RPTOR: variants seen among roughly 807,000 people sequenced by gnomAD.
RPTOR encodes the protein regulatory-associated protein of mTOR.
In RPTOR, 21 loss-of-function variants were observed where a neutral mutation model predicts 169.9. The observed-to-expected ratio is 0.12, with a 90% confidence interval of 0.09 to 0.18. RPTOR has a LOEUF of 0.18. Among genes scored for constraint, RPTOR ranks in the 10% least tolerant of loss-of-function variants. RPTOR has a pLI of 1.00. For synonymous variants in RPTOR, 732 were observed against 753.2 expected, an observed-to-expected ratio of 0.97 and a Z score of 0.46; for missense variants, 1,133 against 1,855.9, an observed-to-expected ratio of 0.61 and a Z score of 7.16.
intron 21 of RPTOR, among the ~76,000 whole-genome samples, chr17:80,918,497 G>GTT (rs2068705141): frequency 9.7e-6 from 1 of 103,034 alleles, no homozygotes; most frequent in Non-Finnish European, 2.2e-5. Flanking sequence ...CACCCTCGCG[G>GTT]GGGTCATAGC....
At chr17:80,765,391 C>A (rs1018780020) in intron 6 of RPTOR, among the ~76,000 whole-genome samples, 6 of 152,228 alleles carry the variant, frequency 3.9e-5, no homozygotes, top group African/African-American at 1.2e-4. Flanking sequence ...ACTTCTCTCA[C>A]CTCTGCTGAG....
intron 4 of RPTOR, among the ~76,000 whole-genome samples, chr17:80,714,212 A>G (rs2143127850): frequency 6.6e-6 from 1 of 152,296 alleles, no homozygotes; most frequent in Non-Finnish European, 1.5e-5. Context: ...AAGTGCTGGG[A>G]TTACGGATGT....
At chr17:80,677,448 A>G (rs1293776328) in intron 3 of RPTOR, among the ~76,000 whole-genome samples, 1 of 152,154 alleles carries the variant, frequency 6.6e-6, no homozygotes, top group East Asian at 1.9e-4. Flanking sequence ...TACAAAGTCT[A>G]AACTCTTTAC....
At chr17:80,677,454 T>C (rs2065868806) in intron 3 of RPTOR, among the ~76,000 whole-genome samples, 1 of 152,152 alleles carries the variant, frequency 6.6e-6, no homozygotes, top group Admixed American at 6.5e-5. Context: ...GTCTAAACTC[T>C]TTACCTGGGA....
In RPTOR at chr17:80,874,319, CCCAAGTAACTGGGA is replaced by C. The variant is rs140902013; in HGVS notation, c.1510-6092_1510-6079del. ...TCAAGCGATTTTCCTGCCTCAGCCT[CCCAAGTAACTGGGA>C]CCACAGGCGCGTGCCACCACGCCCA... On this transcript the variant is annotated intron_variant, in intron 13 of 33. Transcript: ENST00000306801. Among the ~76,000 whole-genome samples, 120 of 152,088 alleles carry C rather than the reference CCCAAGTAACTGGGA, an allele frequency of 7.9e-4. 1 individual carries two copies. Among genetic ancestry groups the C allele is most frequent in the African/African-American group, 2.8e-3 (117 of 41,476 alleles).
Position 80,957,572 on chromosome 17 carries a change from GC to G in RPTOR, c.3371-49del. Reference sequence around the variant, plus strand: ...CTGCCCAGAGCAGGCCCCAAAGCCTGCCCAAGGCAAGGGCCCATGGGGTGAT... The same window carrying G: ...CTGCCCAGAGCAGGCCCCAAAGCCTGCCAAGGCAAGGGCCCATGGGGTGAT... On this transcript the variant is annotated intron_variant, in intron 28 of 33. Coordinates refer to ENST00000306801, the MANE Select transcript of RPTOR (RefSeq NM_020761.3). This position sits in a 1 kb window ranked among gnomAD's most constrained non-coding sequence, Gnocchi z 4.6. The G allele has an allele frequency of 6.4e-7, 1 of 1,560,578 alleles. No homozygotes were observed. Among genetic ancestry groups the G allele is most frequent in the South Asian group, 1.1e-5 (1 of 90,040 alleles).
chr17:80,843,683 A>G (rs1203330153), intron 10 of RPTOR, among the ~76,000 whole-genome samples: 2 of 152,136 alleles, frequency 1.3e-5, no homozygotes, highest in Non-Finnish European at 2.9e-5. Context: ...AGCTTGTCGT[A>G]AGTGGCAAAT....
At chr17:80,927,427 G>T (rs985570557) in intron 24 of RPTOR, among the ~76,000 whole-genome samples, 3 of 152,212 alleles carry the variant, frequency 2.0e-5, no homozygotes, top group Admixed American at 2.0e-4. Context: ...CCTATTCTCA[G>T]TCATCTATCC....
chr17:80,617,102 A>G (rs2065317671), intron 1 of RPTOR, among the ~76,000 whole-genome samples: 1 of 152,198 alleles, frequency 6.6e-6, no homozygotes, highest in Admixed American at 6.5e-5. Flanking sequence ...TAGAAATAAC[A>G]TGTTTATGGT....
At chr17:80,742,523 T>A (rs1012551817) in intron 5 of RPTOR, among the ~76,000 whole-genome samples, 5 of 151,738 alleles carry the variant, frequency 3.3e-5, no homozygotes, top group African/African-American at 9.7e-5. Context: ...AGACAACACA[T>A]GCACACATGT....
rs886471562 is a variant in RPTOR, at chr17:80,833,395, A to G, written c.1137-4527A>G. 3.9e-5 allele frequency among the ~76,000 whole-genome samples: 6 copies of G among 152,190 alleles called. No homozygotes were observed. The South Asian group carries it at 1.0e-3, about 26-fold the overall frequency. On this transcript the variant is annotated intron_variant, in intron 9 of 33. Transcript: ENST00000306801. ...CCTCAGATCTGCACTCCAGCACTCCAGCCCTGCTTCTCCAGGCAGCTTGAT... is the reference window on the plus strand; with the variant it reads ...CCTCAGATCTGCACTCCAGCACTCCGGCCCTGCTTCTCCAGGCAGCTTGAT...
At chr17:80,931,837 G>A (rs2068901136) in intron 24 of RPTOR, among the ~76,000 whole-genome samples, 1 of 151,548 alleles carries the variant, frequency 6.6e-6, no homozygotes, top group Admixed American at 6.6e-5. Flanking sequence ...AGGCTAGCAG[G>A]CTCCAGGCAG....
At chr17:80,941,766 G>C (rs1035418881) in intron 25 of RPTOR, 1 of 152,306 alleles carries the variant, frequency 6.6e-6, no homozygotes, top group African/African-American at 2.4e-5. Flanking sequence ...CCAAAGCCGA[G>C]GGCCCTGCCC....
At chr17:80,797,126 G>A (rs1443568159) in intron 7 of RPTOR, among the ~76,000 whole-genome samples, 1 of 152,054 alleles carries the variant, frequency 6.6e-6, no homozygotes, top group Non-Finnish European at 1.5e-5. Context: ...GTTTGGTTGT[G>A]TGTTTTTTGT....
chr17:80,962,808 G>GC, intron 32 of RPTOR, 120 bp from the exon 33 acceptor site: 3 of 1,513,678 alleles, frequency 2.0e-6, no homozygotes, highest in Non-Finnish European at 2.7e-6. Flanking sequence ...GGTCACACCT[G>GC]CCCCGAGCCA....
chr17:80,599,945 A>G (rs372481638), intron 1 of RPTOR, among the ~76,000 whole-genome samples: 1 of 152,196 alleles, frequency 6.6e-6, no homozygotes, highest in Non-Finnish European at 1.5e-5. Flanking sequence ...GTGTAAAGGA[A>G]GAGGACTTCC....
intron 3 of RPTOR, among the ~76,000 whole-genome samples, chr17:80,681,471 G>A (rs996763096): frequency 3.9e-5 from 6 of 152,194 alleles, no homozygotes; most frequent in Non-Finnish European, 8.8e-5. Context: ...ACCTCGCGCT[G>A]TGGGTGAGTT....
At chr17:80,709,430 C>T (rs1171856333) in intron 4 of RPTOR, among the ~76,000 whole-genome samples, 2 of 152,150 alleles carry the variant, frequency 1.3e-5, no homozygotes, top group African/African-American at 2.4e-5. Flanking sequence ...TCAGGCACGG[C>T]GAATCCGGGA....
chr17:80,892,011 A>G (rs556891240), intron 18 of RPTOR, among the ~76,000 whole-genome samples, 174 bp downstream of exon 18: 19 of 152,320 alleles, frequency 1.2e-4, no homozygotes, highest in African/African-American at 4.6e-4. Context: ...TTAAAAGGGC[A>G]GGAAAGAGGG....
Sources: gnomAD v4.1 joint callset for allele counts (sites outside exome capture counted in the v4.1 genomes callset) on GRCh38, gnomAD v4.1.1 for gene constraint, Gnocchi (gnomAD v3.1) non-coding constraint, MANE v1.5 for transcripts, NCBI Gene and HGNC (gene_info 2026-07-23, HGNC 2026-07-21) for gene names.